RIMS2: variants seen among roughly 807,000 people sequenced by gnomAD.
The protein encoded by RIMS2 is regulating synaptic membrane exocytosis 2.
Under a neutral mutation model 174.4 loss-of-function variants are expected in RIMS2, and 59 were observed. The ratio of observed to expected loss-of-function variants is 0.34; its 90% CI spans 0.27 to 0.42. The LOEUF (loss-of-function observed/expected upper bound fraction) is 0.42. RIMS2 is among the 10% of genes least tolerant of loss of function. The pLI, the probability that RIMS2 is intolerant of heterozygous loss-of-function variation, is 1.00. For synonymous variants in RIMS2, 606 were observed against 572.5 expected, an observed-to-expected ratio of 1.06 and a Z score of -0.84; for missense variants, 1,620 against 1,666.3, an observed-to-expected ratio of 0.97 and a Z score of 0.48.
At chr8:103,643,852 G>A (rs1214676462) in intron 1 of RIMS2, among the ~76,000 whole-genome samples, 2 of 151,992 alleles carry the variant, frequency 1.3e-5, no homozygotes, top group Non-Finnish European at 2.9e-5. Flanking sequence ...AGAGAGGACT[G>A]GAATTTGGTA....
intron 1 of RIMS2, among the ~76,000 whole-genome samples, chr8:103,517,352 T>C (rs955107595): frequency 6.6e-6 from 1 of 152,084 alleles, no homozygotes; most frequent in African/African-American, 2.4e-5. Flanking sequence ...GTGCATGGTG[T>C]CTTTGGGGAA....
At chr8:103,640,927 G>A (rs1354614597) in intron 1 of RIMS2, among the ~76,000 whole-genome samples, 1 of 152,122 alleles carries the variant, frequency 6.6e-6, no homozygotes, top group East Asian at 1.9e-4. Context: ...AACTGTATAT[G>A]TCAATTATTG....
intron 1 of RIMS2, among the ~76,000 whole-genome samples, chr8:103,653,676 T>G (rs2135900520): frequency 6.7e-6 from 1 of 148,666 alleles, no homozygotes; most frequent in East Asian, 1.9e-4. Context: ...TTTTATGTCT[T>G]GTTGCTATTG....
At chr8:104,197,688 G>A (rs1034137056) in intron 19 of RIMS2, among the ~76,000 whole-genome samples, 6 of 152,120 alleles carry the variant, frequency 3.9e-5, no homozygotes, top group African/African-American at 1.4e-4. Context: ...TTGCGAGGGT[G>A]GTTTAAGCCA....
intron 14 of RIMS2, among the ~76,000 whole-genome samples, chr8:103,948,975 T>A (rs1428074941): frequency 1.8e-4 from 24 of 135,514 alleles, no homozygotes; most frequent in Middle Eastern, 7.7e-3. Flanking sequence ...AAAAAAAAAA[T>A]AATTAGCCGG....
At chr8:103,674,258 C>T (rs1196186889) in intron 1 of RIMS2, among the ~76,000 whole-genome samples, 1 of 152,154 alleles carries the variant, frequency 6.6e-6, no homozygotes, top group Non-Finnish European at 1.5e-5. Context: ...CTGAGCCCTC[C>T]AAACTCTTCC....
At chr8:103,512,378 G>A (rs1198567143) in intron 1 of RIMS2, among the ~76,000 whole-genome samples, 4 of 152,110 alleles carry the variant, frequency 2.6e-5, no homozygotes, top group African/African-American at 9.7e-5. Flanking sequence ...CCCAATATTC[G>A]TATCTTAAAA....
intron 1 of RIMS2, among the ~76,000 whole-genome samples, chr8:103,553,843 C>G (rs1394195985): frequency 7.6e-6 from 1 of 132,080 alleles, no homozygotes; most frequent in East Asian, 4.8e-4. Context: ...GGTACTGGTA[C>G]AAAAACAGAC....
chr8:103,599,654 C>T (rs367783894), intron 1 of RIMS2, among the ~76,000 whole-genome samples: 2 of 151,670 alleles, frequency 1.3e-5, no homozygotes, highest in South Asian at 2.1e-4. Context: ...CCTCACTATA[C>T]TACCCAGGCT....
At chr8:103,549,992 C>T (rs1038288426) in intron 1 of RIMS2, among the ~76,000 whole-genome samples, 1 of 152,122 alleles carries the variant, frequency 6.6e-6, no homozygotes, top group East Asian at 1.9e-4. Context: ...CTTAGACTCC[C>T]ACACAATAAT....
chr8:104,089,582 C>T (rs2097598763), intron 19 of RIMS2, among the ~76,000 whole-genome samples: 2 of 151,736 alleles, frequency 1.3e-5, no homozygotes, highest in East Asian at 1.9e-4. Flanking sequence ...TTTTTAAAAG[C>T]ATATGTCTAT....
intron 19 of RIMS2, among the ~76,000 whole-genome samples, chr8:104,059,564 C>T: frequency 7.2e-6 from 1 of 138,912 alleles, no homozygotes; most frequent in Non-Finnish European, 1.6e-5. Flanking sequence ...CCTTTATTTC[C>T]TTCTCCTGCC....
At chr8:103,618,475 C>T (rs1272948854) in intron 1 of RIMS2, among the ~76,000 whole-genome samples, 1 of 152,032 alleles carries the variant, frequency 6.6e-6, no homozygotes, top group Non-Finnish European at 1.5e-5. Flanking sequence ...AGAGTAGGGA[C>T]AGGATTCAAA....
chr8:103,545,552 C>T (rs2388721), intron 1 of RIMS2, among the ~76,000 whole-genome samples: 35,213 of 152,006 alleles, frequency 0.23, 4,259 homozygotes, highest in South Asian at 0.34. Flanking sequence ...TACAAGATGA[C>T]CATCACTAAT....
intron 20 of RIMS2, among the ~76,000 whole-genome samples, chr8:104,245,941 G>A (rs115828308): frequency 0.024 from 3,706 of 152,240 alleles, 147 homozygotes; most frequent in African/African-American, 0.082. Context: ...TAAAACATTT[G>A]TATTAACTAA....
chr8:103,672,628 A>G (rs1354942677), intron 1 of RIMS2, among the ~76,000 whole-genome samples: 1 of 151,992 alleles, frequency 6.6e-6, no homozygotes, highest in Admixed American at 6.6e-5. Flanking sequence ...ACTATAGTGA[A>G]GATAGCACCA....
chr8:103,605,654 A>G (rs2095031878), intron 1 of RIMS2, among the ~76,000 whole-genome samples: 1 of 152,088 alleles, frequency 6.6e-6, no homozygotes, highest in Non-Finnish European at 1.5e-5. Context: ...TTGGTAAACT[A>G]TTGAGTATTG....
intron 19 of RIMS2, among the ~76,000 whole-genome samples, chr8:104,139,627 C>T (rs189669836): frequency 3.9e-4 from 59 of 152,260 alleles, no homozygotes; most frequent in African/African-American, 1.4e-3. Context: ...TGCAACTTTC[C>T]TGAATTTGTT....
chr8:103,810,821 A>G (rs1488540875), intron 3 of RIMS2, among the ~76,000 whole-genome samples: 1 of 152,190 alleles, frequency 6.6e-6, no homozygotes, highest in Non-Finnish European at 1.5e-5. Context: ...TGTAATGAGT[A>G]GAGAGAGGAA....
Sources: gnomAD v4.1 joint callset for allele counts (sites outside exome capture counted in the v4.1 genomes callset) on GRCh38, gnomAD v4.1.1 for gene constraint, MANE v1.5 for transcripts, NCBI Gene and HGNC (gene_info 2026-07-23, HGNC 2026-07-21) for gene names.